Variants in MAP3K9 observed in about 807,000 individuals in gnomAD.
MAP3K9 encodes mixed lineage kinase 1 (tyr and ser/thr specificity).
In MAP3K9, 46 loss-of-function variants were observed where a neutral mutation model predicts 95.8. That is an observed-to-expected ratio of 0.48 (90% CI 0.38 to 0.61). The LOEUF is 0.61. Ranked by LOEUF, MAP3K9 falls within the 20% of genes least tolerant of loss-of-function variation. The pLI, the probability that MAP3K9 is intolerant of heterozygous loss-of-function variation, is 0.00. For synonymous variants in MAP3K9, 533 were observed against 593.8 expected (o/e 0.90, Z 1.49); for missense variants, 1,296 against 1,474.3 (o/e 0.88, Z 1.98).
chr14:70,746,402 T>C (rs1286469644), intron 5 of MAP3K9, among the ~76,000 whole-genome samples: 1 of 152,220 alleles, frequency 6.6e-6, no homozygotes, highest in East Asian at 1.9e-4. Context: ...GCAACACCTA[T>C]TTGTGTTGCA....
chr14:70,770,937 T>A (rs1332031618), intron 2 of MAP3K9, among the ~76,000 whole-genome samples: 2 of 152,294 alleles, frequency 1.3e-5, no homozygotes, highest in East Asian at 3.9e-4. Context: ...TTATTTATTT[T>A]TTTCTGTGCT....
intron 7 of MAP3K9, among the ~76,000 whole-genome samples, chr14:70,738,805 G>A (rs117226414): frequency 6.6e-6 from 1 of 152,108 alleles, no homozygotes; most frequent in South Asian, 2.1e-4. Context: ...GAAAGAAAGG[G>A]TTGGGAAGAA....
At chr14:70,787,034 G>A (rs1451385994) in intron 2 of MAP3K9, among the ~76,000 whole-genome samples, 1 of 152,172 alleles carries the variant, frequency 6.6e-6, no homozygotes, top group African/African-American at 2.4e-5. Flanking sequence ...AGGAGGAGAT[G>A]AGGTATATAG....
chr14:70,781,940 C>T (rs1421652755), intron 2 of MAP3K9, among the ~76,000 whole-genome samples: 1 of 152,194 alleles, frequency 6.6e-6, no homozygotes, highest in Non-Finnish European at 1.5e-5. Context: ...GCCTAAAGAA[C>T]CCAGGTGATG....
At chr14:70,776,342 G>A (rs764424981) in intron 2 of MAP3K9, among the ~76,000 whole-genome samples, 6 of 152,206 alleles carry the variant, frequency 3.9e-5, no homozygotes, top group Non-Finnish European at 8.8e-5. Context: ...AAAGCACCAT[G>A]GCTGAGACAG....
At chr14:70,765,412 G>T in intron 2 of MAP3K9, 1 of 680,996 alleles carries the variant, frequency 1.5e-6, no homozygotes, top group East Asian at 2.7e-5. Context: ...TAATGTCCTA[G>T]GTCTTCACAT....
intron 2 of MAP3K9, among the ~76,000 whole-genome samples, chr14:70,780,355 T>C (rs1292112073): frequency 1.3e-5 from 2 of 152,120 alleles, no homozygotes; most frequent in Non-Finnish European, 1.5e-5. Context: ...CCTTGAAAAA[T>C]GACTCCTTTA....
intron 7 of MAP3K9, among the ~76,000 whole-genome samples, chr14:70,739,064 C>T (rs562393766): frequency 6.6e-6 from 1 of 152,184 alleles, no homozygotes; most frequent in Non-Finnish European, 1.5e-5. Context: ...TAGTGCCAGC[C>T]AACTGTAGCC....
rs1429518124 is a variant in MAP3K9, at chr14:70,809,197, G to GGCCGCCGCCGCCCGCAGGAGCC, written c.-48_-27dup. 53 of 1,294,904 alleles carry GGCCGCCGCCGCCCGCAGGAGCC rather than the reference G, an allele frequency of 4.1e-5. No individual in the cohort carries two copies. In the African/African-American group the frequency reaches 6.7e-4, roughly 16 times the overall value. The allele number at this position is 1,294,904 out of a possible 1,614,324, so 80.2% of individuals were successfully genotyped here. A position where few individuals can be genotyped will look rare whatever the true frequency, so the allele number is the denominator to read the frequency against. ...GGAGCGGCCGATCCATAGGGTGCGG[G>GGCCGCCGCCGCCCGCAGGAGCC]GCCGCCGCCGCCCGCAGGAGCCGCC... is the stretch of plus-strand genomic sequence containing the variant. On this transcript the variant is annotated 5_prime_UTR_variant, in exon 1 of 12. Transcript: ENST00000554752.
chr14:70,783,263 A>G (rs1045582355), intron 2 of MAP3K9: 76 of 984,838 alleles, frequency 7.7e-5, no homozygotes, highest in Non-Finnish European at 8.6e-5. Context: ...AAACAACGGT[A>G]AGGTGGGAAG....
intron 7 of MAP3K9, among the ~76,000 whole-genome samples, chr14:70,739,596 C>T (rs1213664593): frequency 6.6e-6 from 1 of 151,470 alleles, no homozygotes; most frequent in Non-Finnish European, 1.5e-5. Context: ...CCAGATTTGG[C>T]TTATTATAAA....
Position 70,741,224 on chromosome 14 carries a change from G to A in MAP3K9, c.1568-1060C>T, listed in dbSNP as rs144836040. 3.9e-3 allele frequency among the ~76,000 whole-genome samples: 601 copies of A among 152,248 alleles called. 3 individuals are homozygous for A. Among genetic ancestry groups the A allele is most frequent in the African/African-American group, 0.013 (552 of 41,548 alleles). ...TCCTGCCTCAGCCTCTTGAGTAGCT[G>A]GGATTACAGGCATGTACCACCATGC... On this transcript the variant is annotated intron_variant, in intron 6 of 11. Coordinates refer to ENST00000554752, the MANE Select transcript of MAP3K9 (RefSeq NM_001284230.2).
At chr14:70,753,636 C>G (rs148895908) in intron 3 of MAP3K9, among the ~76,000 whole-genome samples, 4 of 152,164 alleles carry the variant, frequency 2.6e-5, no homozygotes, top group African/African-American at 9.7e-5. Flanking sequence ...TGGAAGAACT[C>G]GTTCAGCTAA....
At chr14:70,738,094 G>T in intron 8 of MAP3K9, 151 bp downstream of exon 8, 1 of 852,746 alleles carries the variant, frequency 1.2e-6, no homozygotes. Flanking sequence ...GGAACTTGGA[G>T]GGTGAAAAAC....
chr14:70,773,112 T>C (rs2054552483), intron 2 of MAP3K9, among the ~76,000 whole-genome samples: 1 of 152,220 alleles, frequency 6.6e-6, no homozygotes, highest in South Asian at 2.1e-4. Context: ...AAGATACCTT[T>C]CAGTAACCCT....
chr14:70,793,092 T>C (rs1206796416), intron 2 of MAP3K9, among the ~76,000 whole-genome samples: 1 of 152,012 alleles, frequency 6.6e-6, no homozygotes, highest in African/African-American at 2.4e-5. Context: ...AGTCCCCAAG[T>C]TGGGAACAAA....
intron 1 of MAP3K9, among the ~76,000 whole-genome samples, chr14:70,802,072 A>G (rs1594815606): frequency 6.6e-6 from 1 of 152,120 alleles, no homozygotes; most frequent in Non-Finnish European, 1.5e-5. Context: ...ATGTTGTTAG[A>G]CCTGTAATTT....
chr14:70,804,194 C>G (rs56240220), intron 1 of MAP3K9, among the ~76,000 whole-genome samples: 1,540 of 152,268 alleles, frequency 0.01, 17 homozygotes, highest in African/African-American at 0.022. Context: ...CTGCTATGTT[C>G]TGGGAGTTGT....
rs183066238 is a variant in MAP3K9, at chr14:70,800,944, G to A, written c.543C>T (p.Ile181=). 1.9e-6 allele frequency: 3 copies of A among 1,614,158 alleles called. No homozygotes were observed. The African/African-American group carries it at 4.0e-5, about 22-fold the overall frequency. ...GGCGAACATTCTCTATGGTCTGGCT[G>A]ATGTCCTCATCAGGGTCGTGGCGAG... ...KAARHDPDED[I]SQTIENVRQE... Residue 181 remains isoleucine (I), a synonymous_variant, in exon 2 of 12, where the codon ATC becomes ATT. Transcript: ENST00000554752.
Sources: gnomAD v4.1 joint callset for allele counts (sites outside exome capture counted in the v4.1 genomes callset) on GRCh38, gnomAD v4.1.1 for gene constraint, MANE v1.5 for transcripts, NCBI Gene and HGNC (gene_info 2026-07-23, HGNC 2026-07-21) for gene names.